Variants in VWC2 observed in about 807,000 individuals in gnomAD.
VWC2 encodes the protein brorin.
A neutral mutation model predicts 29.8 loss-of-function variants in VWC2; 14 were observed. That is an observed-to-expected ratio of 0.47 (90% confidence interval 0.31 to 0.74). The LOEUF is 0.74. VWC2 is among the 30% of genes least tolerant of loss of function. The pLI is 0.05. For missense variants in VWC2, 457 were observed against 459.8 expected (o/e 0.99, Z 0.05); for synonymous variants, 213 against 199.0 (o/e 1.07, Z -0.59).
At chr7:49,896,957 G>T (rs1278119430) in intron 3 of VWC2, among the ~76,000 whole-genome samples, 1 of 140,422 alleles carries the variant, frequency 7.1e-6, no homozygotes, top group Admixed American at 7.6e-5. Context: ...CTGCAGTGGC[G>T]CAATCTCGGC....
At chr7:49,869,411 G>A (rs533036559) in intron 3 of VWC2, among the ~76,000 whole-genome samples, 4 of 152,232 alleles carry the variant, frequency 2.6e-5, no homozygotes, top group African/African-American at 9.6e-5. Flanking sequence ...TTCAAACAAA[G>A]CAACGATTTT....
intron 3 of VWC2, among the ~76,000 whole-genome samples, chr7:49,836,992 G>C (rs565974924): frequency 1.2e-4 from 18 of 152,288 alleles, no homozygotes; most frequent in Non-Finnish European, 2.1e-4. Context: ...GAAGTATATA[G>C]TCACTAAATG....
chr7:49,834,007 C>T (rs1302596847), intron 3 of VWC2, among the ~76,000 whole-genome samples: 1 of 152,174 alleles, frequency 6.6e-6, no homozygotes, highest in African/African-American at 2.4e-5. Context: ...TCAGAGGTGG[C>T]TTGTGGATCA....
intron 3 of VWC2, among the ~76,000 whole-genome samples, chr7:49,829,761 T>C (rs780879663): frequency 3.3e-5 from 5 of 152,234 alleles, no homozygotes; most frequent in African/African-American, 2.4e-5. Context: ...CCTGGATCTC[T>C]TTGCATCTTC....
chr7:49,837,638 T>G (rs1789694333), intron 3 of VWC2, among the ~76,000 whole-genome samples: 1 of 152,188 alleles, frequency 6.6e-6, no homozygotes, highest in East Asian at 1.9e-4. Context: ...GGAAAAATTT[T>G]AAAGTTATGA....
At chr7:49,847,042 A>G (rs1461990153) in intron 3 of VWC2, among the ~76,000 whole-genome samples, 1 of 152,154 alleles carries the variant, frequency 6.6e-6, no homozygotes, top group African/African-American at 2.4e-5. Flanking sequence ...TCTGTGTCAA[A>G]TTGGGATGTC....
intron 3 of VWC2, among the ~76,000 whole-genome samples, chr7:49,831,006 A>C: frequency 6.6e-6 from 1 of 152,086 alleles, no homozygotes; most frequent in East Asian, 1.9e-4. Context: ...TACCTTCTGG[A>C]AAGTTTGTTA....
chr7:49,902,083 C>T (rs558864443), intron 3 of VWC2, among the ~76,000 whole-genome samples: 1 of 151,942 alleles, frequency 6.6e-6, no homozygotes. Flanking sequence ...CCATAAAAGT[C>T]GTAGAAGATC....
intron 3 of VWC2, among the ~76,000 whole-genome samples, chr7:49,904,883 C>G (rs1793002075): frequency 1.3e-5 from 2 of 151,892 alleles, no homozygotes; most frequent in Admixed American, 1.3e-4. Context: ...TTATAGGCAC[C>G]TGCCACTGCA....
At chr7:49,898,821 C>G (rs1792540730) in intron 3 of VWC2, among the ~76,000 whole-genome samples, 1 of 151,498 alleles carries the variant, frequency 6.6e-6, no homozygotes, top group Non-Finnish European at 1.5e-5. Flanking sequence ...CTAGGGCAAC[C>G]CCTATAAAAA....
At chr7:49,803,638 T>C (rs1034525821) in intron 3 of VWC2, among the ~76,000 whole-genome samples, 1 of 152,062 alleles carries the variant, frequency 6.6e-6, no homozygotes, top group Non-Finnish European at 1.5e-5. Flanking sequence ...GGACCCCTGG[T>C]TGAGAGCATT....
intron 3 of VWC2, among the ~76,000 whole-genome samples, chr7:49,842,343 AACTT>A: frequency 6.6e-6 from 1 of 152,328 alleles, no homozygotes; most frequent in East Asian, 1.9e-4. Context: ...TGTATACTTT[AACTT>A]ACTTAAAAGT....
intron 3 of VWC2, among the ~76,000 whole-genome samples, chr7:49,831,394 G>A (rs749790699): frequency 1.3e-4 from 20 of 152,172 alleles, no homozygotes; most frequent in Admixed American, 4.6e-4. Context: ...TAGAATTCAG[G>A]AATGCTGTAA....
chr7:49,780,980 A>G (rs1788162406), intron 2 of VWC2, among the ~76,000 whole-genome samples: 1 of 152,250 alleles, frequency 6.6e-6, no homozygotes, highest in Non-Finnish European at 1.5e-5. Context: ...CAATTATGAG[A>G]AAGTGCCAGC....
intron 3 of VWC2, among the ~76,000 whole-genome samples, chr7:49,825,236 C>T (rs1377653943): frequency 1.3e-5 from 2 of 152,276 alleles, no homozygotes; most frequent in African/African-American, 2.4e-5. Context: ...TGTTGATTAT[C>T]TCTCACTCAT....
intron 3 of VWC2, among the ~76,000 whole-genome samples, chr7:49,879,621 G>A (rs1002247721): frequency 5.3e-5 from 8 of 152,132 alleles, no homozygotes; most frequent in Admixed American, 2.0e-4. Flanking sequence ...GGCATTCACA[G>A]GCAACTCTGT....
At chr7:49,796,826 A>C (rs536168414) in intron 2 of VWC2, among the ~76,000 whole-genome samples, 6 of 152,346 alleles carry the variant, frequency 3.9e-5, no homozygotes, top group African/African-American at 1.4e-4. Context: ...AAATATATGT[A>C]GTGCAATATA....
intron 3 of VWC2, among the ~76,000 whole-genome samples, chr7:49,815,417 A>G (rs1182510895): frequency 6.6e-6 from 1 of 152,222 alleles, no homozygotes; most frequent in African/African-American, 2.4e-5. Context: ...ACTCTGATAC[A>G]TATCACCATG....
intron 3 of VWC2, 28 bp downstream of exon 3, chr7:49,802,868 G>A (rs561524992): frequency 6.8e-6 from 11 of 1,613,770 alleles, no homozygotes; most frequent in Non-Finnish European, 9.3e-6. Context: ...TGGTGACGGG[G>A]TGCACCTCCC....
Sources: gnomAD v4.1 joint callset for allele counts (sites outside exome capture counted in the v4.1 genomes callset) on GRCh38, gnomAD v4.1.1 for gene constraint, MANE v1.5 for transcripts, NCBI Gene and HGNC (gene_info 2026-07-23, HGNC 2026-07-21) for gene names.